ICE2: variants seen among roughly 807,000 people sequenced by gnomAD.
ICE2 encodes interactor of little elongation complex ELL subunit 2.
In ICE2, 87 loss-of-function variants were observed where a neutral mutation model predicts 105.4. The ratio of observed to expected loss-of-function variants is 0.83; its 90% CI spans 0.69 to 0.99. The LOEUF is 0.99. Ranked by LOEUF, ICE2 falls within the 50% of genes least tolerant of loss-of-function variation. The pLI is 0.00. For synonymous variants in ICE2, 399 were observed against 392.0 expected, an observed-to-expected ratio of 1.02 and a Z score of -0.21; for missense variants, 1,323 against 1,146.7, an observed-to-expected ratio of 1.15 and a Z score of -2.22.
intron 3 of ICE2, among the ~76,000 whole-genome samples, chr15:60,475,460 A>G (rs1376430292): frequency 3.3e-5 from 5 of 151,146 alleles, no homozygotes; most frequent in Non-Finnish European, 7.4e-5. Context: ...TTTAATTACC[A>G]AAAAAAAAGA....
intron 5 of ICE2, among the ~76,000 whole-genome samples, chr15:60,458,202 AT>A (rs1480331806): frequency 6.6e-6 from 1 of 152,012 alleles, no homozygotes; most frequent in Non-Finnish European, 1.5e-5. Context: ...TAGCAAAAAA[AT>A]GTTTTATATT....
chr15:60,427,864 T>C (rs1212612952), intron 15 of ICE2, among the ~76,000 whole-genome samples: 1 of 152,220 alleles, frequency 6.6e-6, no homozygotes, highest in Admixed American at 6.5e-5. Flanking sequence ...AAGGGTTCTA[T>C]AAAGAGAGTA....
In ICE2 at chr15:60,428,497, GATATGGT is replaced by G; in HGVS notation, c.2745_2751del (p.Leu915PhefsTer65). 1 of 1,614,030 alleles carries G rather than the reference GATATGGT, an allele frequency of 6.2e-7. No individual in the cohort carries two copies. Among genetic ancestry groups the G allele is most frequent in the Non-Finnish European group, 8.5e-7 (1 of 1,179,882 alleles). ...CAAGGTATTCTTCCATGATGGATAT[GATATGGT>G]AATAACAGGCTGGGATCTAATGGGA... On this transcript the variant is annotated frameshift_variant, in exon 15 of 16. Transcript: ENST00000261520. LOFTEE classifies it high-confidence loss of function.
rs1451659050 is a variant in ICE2 at position 60,422,237 on chromosome 15, A to G, written c.*1397T>C. On this transcript the variant is annotated 3_prime_UTR_variant, in exon 16 of 16. Transcript: ENST00000261520. ...AGCCTTGACTTCTTGGGCTCAAGCA[A>G]TTCTTCTGCCTCAGCCTTTTGAGTA... The G allele has an allele frequency of 6.6e-6, 1 of 151,602 alleles. No individual in the cohort carries two copies. 9.4% of individuals were successfully genotyped at this position (151,602 alleles called of 1,614,324 possible). A position where few individuals can be genotyped will look rare whatever the true frequency, so the allele number is the denominator to read the frequency against.
intron 4 of ICE2, among the ~76,000 whole-genome samples, chr15:60,467,057 G>A (rs1439998088): frequency 3.9e-5 from 6 of 151,922 alleles, no homozygotes; most frequent in Admixed American, 2.6e-4. Flanking sequence ...GCACGATTTC[G>A]GCTCACTGCA....
Position 60,457,764 on chromosome 15 carries a change from T to C in ICE2, c.529-970A>G, listed in dbSNP as rs547008109. Among the ~76,000 whole-genome samples the C allele has an allele frequency of 1.1e-4, 16 of 152,346 alleles. No homozygotes were observed. The South Asian group carries it at 3.3e-3, about 32-fold the overall frequency. ...CATGGAAGATCTATTTAATTCATGG[T>C]ATCATTTGTAACTAACACAGATGTG... On this transcript the variant is annotated intron_variant, in intron 5 of 15. Transcript: ENST00000261520.
Position 60,423,591 on chromosome 15 carries a change from GT to G in ICE2, c.*42del. The G allele has an allele frequency of 6.4e-7, 1 of 1,554,816 alleles. No homozygotes were observed. The stretch of plus-strand genomic sequence containing the variant: ...CTCAAACTTATCTAAATTAAACACT[GT>G]TATAACTGTTTTTTTAAATTTAGTT... On this transcript the variant is annotated 3_prime_UTR_variant, in exon 16 of 16. Coordinates refer to ENST00000261520, the MANE Select transcript of ICE2 (RefSeq NM_024611.6).
intron 3 of ICE2, among the ~76,000 whole-genome samples, chr15:60,469,419 C>A (rs938841502): frequency 2.0e-5 from 3 of 151,814 alleles, no homozygotes; most frequent in African/African-American, 7.3e-5. Context: ...AACAAACCAG[C>A]GCATCCTGCA....
chr15:60,474,694 A>T (rs936444728), intron 3 of ICE2, among the ~76,000 whole-genome samples: 18 of 152,122 alleles, frequency 1.2e-4, no homozygotes, highest in African/African-American at 4.3e-4. Flanking sequence ...TTTGTTCCTT[A>T]TTTCTTCCCA....
intron 9 of ICE2, chr15:60,452,908 G>A: frequency 1.0e-6 from 1 of 985,372 alleles, no homozygotes; most frequent in Non-Finnish European, 1.2e-6. Context: ...ATCAAATTAA[G>A]CTCACCTGTT....
At chr15:60,432,784 G>A (rs1057394945) in intron 13 of ICE2, among the ~76,000 whole-genome samples, 5 of 151,670 alleles carry the variant, frequency 3.3e-5, no homozygotes, top group East Asian at 4.0e-4. Flanking sequence ...CCCAGCTACT[G>A]GGGAGGCTGA....
chr15:60,456,610 C>CA (rs751552619), intron 6 of ICE2, 47 bp downstream of exon 6: 3 of 1,017,798 alleles, frequency 2.9e-6, no homozygotes, highest in Non-Finnish European at 4.1e-6. Context: ...CACACACACA[C>CA]TATTTCAGAC....
intron 3 of ICE2, among the ~76,000 whole-genome samples, chr15:60,474,407 T>A (rs2064697592): frequency 6.6e-6 from 1 of 152,104 alleles, no homozygotes; most frequent in Non-Finnish European, 1.5e-5. Flanking sequence ...TTTCTAACAG[T>A]AAAGGAACGG....
intron 3 of ICE2, among the ~76,000 whole-genome samples, chr15:60,470,809 TTATAGG>T (rs1464934936): frequency 3.3e-5 from 5 of 152,138 alleles, no homozygotes; most frequent in South Asian, 2.1e-4. Flanking sequence ...TATTTCACAC[TTATAGG>T]TATAGGATAT....
At chr15:60,432,427 T>A (rs188261969) in intron 13 of ICE2, among the ~76,000 whole-genome samples, 1,960 of 151,664 alleles carry the variant, frequency 0.013, 40 homozygotes, top group African/African-American at 0.043. Flanking sequence ...TGACCTCAGG[T>A]GATCCACCCG....
At chr15:60,433,992 G>A (rs1367309653) in intron 13 of ICE2, among the ~76,000 whole-genome samples, 1 of 152,042 alleles carries the variant, frequency 6.6e-6, no homozygotes, top group East Asian at 1.9e-4. Context: ...AAAAAACAAT[G>A]TCAAGCCTGG....
chr15:60,458,026 T>C (rs1045215471), intron 5 of ICE2, among the ~76,000 whole-genome samples: 1 of 152,316 alleles, frequency 6.6e-6, no homozygotes, highest in East Asian at 1.9e-4. Context: ...CTGTGGTGGA[T>C]GTTAGTGTTT....
intron 15 of ICE2, among the ~76,000 whole-genome samples, chr15:60,423,968 T>C (rs75330219): frequency 1.4e-4 from 22 of 152,298 alleles, no homozygotes; most frequent in Admixed American, 5.9e-4. Flanking sequence ...ATCAGAGAAG[T>C]TGATAGATCT....
At chr15:60,472,479 CAAT>C (rs1260168763) in intron 3 of ICE2, among the ~76,000 whole-genome samples, 1 of 152,076 alleles carries the variant, frequency 6.6e-6, no homozygotes, top group Non-Finnish European at 1.5e-5. Context: ...AACATCATAT[CAAT>C]AACTTGTGTA....
Sources: gnomAD v4.1 joint callset for allele counts (sites outside exome capture counted in the v4.1 genomes callset) on GRCh38, gnomAD v4.1.1 for gene constraint, MANE v1.5 for transcripts, NCBI Gene and HGNC (gene_info 2026-07-23, HGNC 2026-07-21) for gene names.